Variants in BMP7 observed in about 807,000 individuals in gnomAD.
BMP7 encodes the protein osteogenic protein 1.
BMP7 carries 12 observed loss-of-function variants against 41.2 expected under a neutral mutation model. The observed-to-expected ratio is 0.29, with a 90% CI of 0.19 to 0.47. The LOEUF is 0.47. BMP7 is among the 20% of genes least tolerant of loss of function. The pLI is 0.99. For synonymous variants in BMP7, 248 were observed against 250.0 expected (o/e 0.99, Z 0.07); for missense variants, 467 against 606.0 (o/e 0.77, Z 2.41).
At chr20:57,189,053 C>T (rs1452003540) in intron 3 of BMP7, among the ~76,000 whole-genome samples, 8 of 152,200 alleles carry the variant, frequency 5.3e-5, no homozygotes, top group African/African-American at 1.9e-4. Context: ...GGGACCTACA[C>T]ATGAGCTTGG....
chr20:57,237,711 T>C (rs1232508945), intron 1 of BMP7, among the ~76,000 whole-genome samples: 1 of 152,236 alleles, frequency 6.6e-6, no homozygotes, highest in African/African-American at 2.4e-5. Flanking sequence ...GAGAATGCTC[T>C]ATGCCCAGAG....
intron 2 of BMP7, among the ~76,000 whole-genome samples, chr20:57,222,087 C>T (rs1346315871): frequency 2.0e-5 from 3 of 152,128 alleles, no homozygotes; most frequent in African/African-American, 7.2e-5. Flanking sequence ...GGACTGACCA[C>T]CTCGTGGGGA....
intron 2 of BMP7, among the ~76,000 whole-genome samples, chr20:57,223,283 T>C (rs1985234863): frequency 1.3e-5 from 2 of 150,922 alleles, no homozygotes; most frequent in South Asian, 2.1e-4. Flanking sequence ...GTAAGACAGC[T>C]CATGGGTGAG....
intron 2 of BMP7, among the ~76,000 whole-genome samples, chr20:57,216,643 G>A (rs948895148): frequency 4.0e-5 from 6 of 151,272 alleles, no homozygotes; most frequent in African/African-American, 2.4e-5. Context: ...TGAGGGGGCT[G>A]GGGAATTCTC....
chr20:57,237,931 T>A (rs556905748), intron 1 of BMP7, among the ~76,000 whole-genome samples: 75 of 152,390 alleles, frequency 4.9e-4, no homozygotes, highest in African/African-American at 1.7e-3. Flanking sequence ...CACCATTTTT[T>A]AAAACTTTTA....
intron 4 of BMP7, among the ~76,000 whole-genome samples, chr20:57,178,702 G>T (rs200798139): frequency 9.3e-5 from 14 of 150,928 alleles, no homozygotes; most frequent in African/African-American, 2.9e-4. Flanking sequence ...TCTTCCCTGT[G>T]GGGGGGTAGA....
At chr20:57,253,005 G>T (rs750109022) in intron 1 of BMP7, among the ~76,000 whole-genome samples, 28 of 152,110 alleles carry the variant, frequency 1.8e-4, no homozygotes, top group South Asian at 4.1e-4. Context: ...TACCAATAGT[G>T]CCCAGGCTGA....
intron 2 of BMP7, among the ~76,000 whole-genome samples, chr20:57,217,574 G>A (rs1307834119): frequency 6.6e-6 from 1 of 152,194 alleles, no homozygotes; most frequent in African/African-American, 2.4e-5. Context: ...TTTTAAAATA[G>A]GTGGGGCTGA....
Position 57,169,910 on chromosome 20 carries a change from C to T in BMP7, c.*1049G>A, listed in dbSNP as rs1983776860. On this transcript the variant is annotated 3_prime_UTR_variant, in exon 7 of 7. Transcript: ENST00000395863. ...TAGCTGGGATTACAGGTGCGTGCCA[C>T]CATGCCCGGCTAATTTTTGTATTTT... 1 of 152,412 alleles carries T rather than the reference C, an allele frequency of 6.6e-6. No homozygotes were observed. The highest frequency in any genetic ancestry group is 1.9e-4 in the East Asian group (1 of 5,178). The allele number at this position is 152,412 out of a possible 1,614,324, so 9.4% of individuals were successfully genotyped here. A position where few individuals can be genotyped will look rare whatever the true frequency, so the allele number is the denominator to read the frequency against.
chr20:57,250,700 T>C (rs993474895), intron 1 of BMP7, among the ~76,000 whole-genome samples: 3 of 152,022 alleles, frequency 2.0e-5, no homozygotes, highest in East Asian at 1.9e-4. Flanking sequence ...TTTTTTGGAG[T>C]AGGCCAGCCC....
rs1221580176 is a variant in BMP7, at chr20:57,249,033, T to C, written c.418+16672A>G. Among the ~76,000 whole-genome samples, 6 of 152,074 alleles carry C rather than the reference T, an allele frequency of 3.9e-5. No homozygotes were observed. In the South Asian group the frequency reaches 1.2e-3, roughly 32 times the overall value. On this transcript the variant is annotated intron_variant, in intron 1 of 6. Transcript: ENST00000395863. Reference sequence around the variant, plus strand: ...AGCTAGCATGGTCTTGATCTCCTGATGTCATGATCTGCCCGCCTCGGCCTC... The same window carrying C: ...AGCTAGCATGGTCTTGATCTCCTGACGTCATGATCTGCCCGCCTCGGCCTC...
intron 1 of BMP7, among the ~76,000 whole-genome samples, chr20:57,236,043 C>T (rs1433549660): frequency 2.0e-5 from 3 of 152,114 alleles, no homozygotes; most frequent in African/African-American, 7.2e-5. Flanking sequence ...TCCTGGCACC[C>T]GAGGTAGGCA....
Position 57,228,098 on chromosome 20 carries a change from G to T in BMP7, c.611+131C>A. 1 of 1,038,814 alleles carries T rather than the reference G, an allele frequency of 9.6e-7. No homozygotes were observed. Among genetic ancestry groups the T allele is most frequent in the Non-Finnish European group, 1.5e-6 (1 of 666,696 alleles). 64.3% of individuals were successfully genotyped at this position (1,038,814 alleles called of 1,614,324 possible). A position where few individuals can be genotyped will look rare whatever the true frequency, so the allele number is the denominator to read the frequency against. ...TGACATACACCATACACCTTCTTTA[G>T]AAGGGATAATCTGGTACAGGGCCTG... On this transcript the variant is annotated intron_variant, in intron 2 of 6. Transcript: ENST00000395863. This position sits in a 1 kb window ranked among gnomAD's most constrained non-coding sequence, Gnocchi z 4.5.
Position 57,220,372 on chromosome 20 carries a change from A to G in BMP7, c.611+7857T>C, listed in dbSNP as rs578009853. On this transcript the variant is annotated intron_variant, in intron 2 of 6. Transcript: ENST00000395863. ...AGCAGACACTTTTCTTCCCAGCTAC[A>G]GATGACTGCTTGTGACCAAATTGAA... is the stretch of plus-strand genomic sequence containing the variant. 3.9e-5 allele frequency among the ~76,000 whole-genome samples: 6 copies of G among 152,392 alleles called. No homozygotes were observed. The East Asian group carries it at 9.6e-4, about 24-fold the overall frequency.
intron 3 of BMP7, among the ~76,000 whole-genome samples, chr20:57,198,127 C>T (rs1568711642): frequency 6.9e-6 from 1 of 144,946 alleles, no homozygotes; most frequent in Non-Finnish European, 1.5e-5. Context: ...CTCCTCTCCC[C>T]TCCTCTCCTC....
chr20:57,172,988 C>T (rs1983844158), intron 6 of BMP7: 4 of 625,384 alleles, frequency 6.4e-6, no homozygotes, highest in Non-Finnish European at 1.1e-5. Flanking sequence ...AATAAATGAA[C>T]TCCAGGGTCG....
At chr20:57,184,810 A>C (rs1370679685) in intron 3 of BMP7, among the ~76,000 whole-genome samples, 1 of 152,194 alleles carries the variant, frequency 6.6e-6, no homozygotes, top group African/African-American at 2.4e-5. Flanking sequence ...AAAGATTGCC[A>C]GGAGCCTCTG....
Position 57,266,165 on chromosome 20 carries a change from C to T in BMP7, c.-43G>A, listed in dbSNP as rs1304048100. The T allele has an allele frequency of 1.4e-6, 2 of 1,469,402 alleles. No individual in the cohort carries two copies. The highest frequency in any genetic ancestry group is 4.7e-5 in the Admixed American group (2 of 42,282). The allele number at this position is 1,469,402 out of a possible 1,614,324, so 91.0% of individuals were successfully genotyped here. Reference sequence around the variant, plus strand: ...CTACCCGGGCTCCGGGCTCCGGGCCCGCACCGCCCCAGGTGGCAGAGGGGG... The same window carrying T: ...CTACCCGGGCTCCGGGCTCCGGGCCTGCACCGCCCCAGGTGGCAGAGGGGG... On this transcript the variant is annotated 5_prime_UTR_variant, in exon 1 of 7. Coordinates refer to ENST00000395863, the MANE Select transcript of BMP7 (RefSeq NM_001719.3).
chr20:57,243,103 C>T (rs1040698365), intron 1 of BMP7, among the ~76,000 whole-genome samples: 1 of 152,190 alleles, frequency 6.6e-6, no homozygotes. Context: ...GGTGCTGTCG[C>T]CCACACTGCT....
Sources: allele counts gnomAD v4.1 joint callset (sites outside exome capture counted in the v4.1 genomes callset), GRCh38; gene constraint gnomAD v4.1.1; non-coding constraint Gnocchi (gnomAD v3.1); transcripts MANE v1.5; gene names NCBI Gene and HGNC (gene_info 2026-07-23, HGNC 2026-07-21).